Variants in ARHGAP6 observed in about 807,000 individuals in gnomAD.
ARHGAP6 encodes Rho GTPase activating protein 6, also known as rho GTPase-activating protein 6.
ARHGAP6 carries 16 observed loss-of-function variants against 55.7 expected under a neutral mutation model. The ratio of observed to expected loss-of-function variants is 0.29; its 90% confidence interval spans 0.19 to 0.44. The LOEUF is 0.44. Ranked by LOEUF, ARHGAP6 falls within the 20% of genes least tolerant of loss-of-function variation. The pLI is 1.00. For missense variants in ARHGAP6, 698 were observed against 808.9 expected, an observed-to-expected ratio of 0.86 and a Z score of 1.66; for synonymous variants, 382 against 360.9, an observed-to-expected ratio of 1.06 and a Z score of -0.66.
intron 1 of ARHGAP6, among the ~76,000 whole-genome samples, chrX:11,355,119 T>A (rs2048916523): frequency 9.0e-6 from 1 of 111,604 alleles, no homozygotes; most frequent in African/African-American, 3.3e-5. Context: ...AATTGTCCGA[T>A]AAGCTCAAAT....
chrX:11,428,630 G>A (rs1415458525), intron 1 of ARHGAP6, among the ~76,000 whole-genome samples: 3 of 111,550 alleles, frequency 2.7e-5, no homozygotes, highest in Non-Finnish European at 5.7e-5. Context: ...GTGCTTGGGG[G>A]TAGCTTGTGC....
At chrX:11,328,955 CAG>C (rs946291459) in intron 1 of ARHGAP6, among the ~76,000 whole-genome samples, 26 of 111,566 alleles carry the variant, frequency 2.3e-4, no homozygotes, top group Non-Finnish European at 4.0e-4. Flanking sequence ...CAAAATCTCC[CAG>C]AGTTACAAAA....
chrX:11,256,728 A>G (rs2047499200), intron 1 of ARHGAP6, among the ~76,000 whole-genome samples: 1 of 112,240 alleles, frequency 8.9e-6, no homozygotes, highest in Non-Finnish European at 1.9e-5. Context: ...TTTTAGAGAC[A>G]GCAGCCAGGA....
chrX:11,200,489 G>A (rs1050013612), intron 2 of ARHGAP6, among the ~76,000 whole-genome samples: 4 of 112,383 alleles, frequency 3.6e-5, no homozygotes, highest in Non-Finnish European at 7.5e-5. Context: ...GTTAATCTGG[G>A]CATCCTCTTG....
chrX:11,190,328 C>T (rs1474844440), intron 3 of ARHGAP6, among the ~76,000 whole-genome samples: 16 of 110,405 alleles, frequency 1.4e-4, no homozygotes, highest in African/African-American at 4.9e-4. Flanking sequence ...TTAGGTACTT[C>T]TCCTTTGAGT....
chrX:11,149,527 C>T (rs1402517643), intron 10 of ARHGAP6, among the ~76,000 whole-genome samples: 1 of 111,052 alleles, frequency 9.0e-6, no homozygotes, highest in Non-Finnish European at 1.9e-5. Context: ...CAACAGCTAC[C>T]GCCACTCAAT....
At chrX:11,481,288 G>A (rs888234229) in intron 1 of ARHGAP6, among the ~76,000 whole-genome samples, 7 of 112,140 alleles carry the variant, frequency 6.2e-5, no homozygotes, top group Non-Finnish European at 1.3e-4. Context: ...TCTTAGGGAA[G>A]CTAAGAGTAA....
chrX:11,419,161 A>T (rs913280945), intron 1 of ARHGAP6, among the ~76,000 whole-genome samples: 2 of 112,152 alleles, frequency 1.8e-5, no homozygotes, highest in Non-Finnish European at 3.8e-5. Context: ...CAAGGCTGCA[A>T]GTCAGTGGGC....
intron 1 of ARHGAP6, among the ~76,000 whole-genome samples, chrX:11,260,737 T>A (rs146429974): frequency 1.8e-5 from 2 of 111,870 alleles, no homozygotes; most frequent in African/African-American, 3.3e-5. Context: ...TTTTTTCAAC[T>A]ATTTAGAAAT....
intron 1 of ARHGAP6, among the ~76,000 whole-genome samples, chrX:11,578,972 T>C (rs894039715): frequency 8.9e-5 from 9 of 101,681 alleles, no homozygotes; most frequent in African/African-American, 3.0e-4. Context: ...TAGATGAGAA[T>C]TGAACAAGGA....
At chrX:11,658,204 T>C (rs1161305404) in intron 1 of ARHGAP6, among the ~76,000 whole-genome samples, 1 of 111,555 alleles carries the variant, frequency 9.0e-6, no homozygotes, top group African/African-American at 3.3e-5. Context: ...CTACCCAAGG[T>C]TCTTTCTGAG....
At chrX:11,360,038 C>T (rs1030229978) in intron 1 of ARHGAP6, among the ~76,000 whole-genome samples, 1 of 111,380 alleles carries the variant, frequency 9.0e-6, no homozygotes, top group Non-Finnish European at 1.9e-5. Context: ...AAAAAGAGTC[C>T]AGGACCAGAT....
At chrX:11,488,242 A>G (rs1002573197) in intron 1 of ARHGAP6, among the ~76,000 whole-genome samples, 3 of 111,747 alleles carry the variant, frequency 2.7e-5, no homozygotes, top group African/African-American at 9.8e-5. Flanking sequence ...TAGGGACTAA[A>G]TGGCTATCAG....
intron 1 of ARHGAP6, among the ~76,000 whole-genome samples, chrX:11,589,105 A>G (rs189322945): frequency 1.4e-4 from 15 of 104,260 alleles, no homozygotes; most frequent in Non-Finnish European, 2.5e-4. Flanking sequence ...GCAGTAGTGC[A>G]GTCTTGGCTC....
chrX:11,656,929 G>T (rs1482368969), intron 1 of ARHGAP6, among the ~76,000 whole-genome samples: 3 of 112,266 alleles, frequency 2.7e-5, no homozygotes, highest in African/African-American at 9.7e-5. Context: ...GAGATTAATT[G>T]ATTTGAAGTT....
chrX:11,560,124 G>A (rs1321345707), intron 1 of ARHGAP6, among the ~76,000 whole-genome samples: 1 of 110,097 alleles, frequency 9.1e-6, no homozygotes, highest in Non-Finnish European at 1.9e-5. Context: ...CAAAGTTGAG[G>A]GAAAAATAGT....
chrX:11,598,957 C>T (rs1191570926), intron 1 of ARHGAP6, among the ~76,000 whole-genome samples: 1 of 110,845 alleles, frequency 9.0e-6, no homozygotes, highest in Non-Finnish European at 1.9e-5. Flanking sequence ...ACTTGGGAGG[C>T]TTAGATGGGA....
At chrX:11,459,028 A>G (rs762490619) in intron 1 of ARHGAP6, among the ~76,000 whole-genome samples, 3 of 110,779 alleles carry the variant, frequency 2.7e-5, no homozygotes, top group African/African-American at 9.8e-5. Context: ...TATTCAAAGA[A>G]GAGGAGGGAG....
At chrX:11,320,177 C>T (rs993613166) in intron 1 of ARHGAP6, among the ~76,000 whole-genome samples, 1 of 111,361 alleles carries the variant, frequency 9.0e-6, no homozygotes, top group Admixed American at 9.6e-5. Flanking sequence ...TTGATTTAAG[C>T]GTTCTGTTAG....
Sources: gnomAD v4.1 joint callset for allele counts (sites outside exome capture counted in the v4.1 genomes callset) on GRCh38, gnomAD v4.1.1 for gene constraint, MANE v1.5 for transcripts, NCBI Gene and HGNC (gene_info 2026-07-23, HGNC 2026-07-21) for gene names.